VIL1: variants seen among roughly 807,000 people sequenced by gnomAD.
VIL1 encodes the protein villin 1, also known as villin-1.
In VIL1, 86 loss-of-function variants were observed where a neutral mutation model predicts 104.0. The observed-to-expected ratio is 0.83, with a 90% CI of 0.69 to 0.99. The LOEUF is 0.99. Ranked by LOEUF, VIL1 falls within the 50% of genes least tolerant of loss-of-function variation. The probability of loss-of-function intolerance (pLI) is 0.00; values close to 1 mark genes in which losing one functional copy is unlikely to be tolerated. For missense variants in VIL1, 944 were observed against 1,054.1 expected (o/e 0.90, Z 1.45); for synonymous variants, 394 against 412.6 (o/e 0.95, Z 0.55).
At chr2:218,422,877 A>T (rs570589149) in intron 1 of VIL1, among the ~76,000 whole-genome samples, 3 of 152,298 alleles carry the variant, frequency 2.0e-5, no homozygotes, top group Admixed American at 6.5e-5. Flanking sequence ...GGAGGAGAAT[A>T]ACTGGGCACT....
chr2:218,430,699 C>T (rs774019384), intron 9 of VIL1, 26 bp from the exon 10 acceptor site: 1 of 1,558,000 alleles, frequency 6.4e-7, no homozygotes, highest in African/African-American at 1.4e-5. Context: ...AGGTGCATAG[C>T]TTCCAGCCAC....
In VIL1 at chr2:218,446,594, T is replaced by TA. The variant is rs762725214; in HGVS notation, c.2371-2627dup. On this transcript the variant is annotated intron_variant, in intron 19 of 19. Transcript: ENST00000248444. ...AAGCCAAGAGTGATGAAGCTATCCA[T>TA]AATGGTAAAACTGTGGCCAACTGCA... Among the ~76,000 whole-genome samples, 4 of 152,126 alleles carry TA rather than the reference T, an allele frequency of 2.6e-5. No individual in the cohort carries two copies. The East Asian group carries it at 7.7e-4, about 29-fold the overall frequency.
intron 13 of VIL1, among the ~76,000 whole-genome samples, chr2:218,434,145 TGAGA>T (rs1689145409): frequency 7.3e-6 from 1 of 137,098 alleles, no homozygotes; most frequent in Non-Finnish European, 1.5e-5. Flanking sequence ...TGCAGTGAGC[TGAGA>T]TAGTGCCATT....
intron 17 of VIL1, 87 bp from the exon 18 acceptor site, chr2:218,438,571 C>A: frequency 7.6e-7 from 1 of 1,313,412 alleles, no homozygotes; most frequent in Non-Finnish European, 1.1e-6. Flanking sequence ...CCAGACCAGC[C>A]TTCTTTTCAT....
chr2:218,424,123 C>T (rs1256665937), intron 2 of VIL1, among the ~76,000 whole-genome samples, 154 bp from the exon 3 acceptor site: 2 of 152,202 alleles, frequency 1.3e-5, no homozygotes, highest in East Asian at 3.9e-4. Context: ...CTTCTCCCGC[C>T]CCTCACAGTT....
At chr2:218,449,061 C>T (rs944527177) in intron 19 of VIL1, among the ~76,000 whole-genome samples, 162 bp from the exon 20 acceptor site, 9 of 151,958 alleles carry the variant, frequency 5.9e-5, no homozygotes, top group Non-Finnish European at 1.0e-4. Context: ...ATACTCTCCT[C>T]CTCTCCATCC....
intron 9 of VIL1, among the ~76,000 whole-genome samples, chr2:218,430,209 G>T (rs2106392201): frequency 6.6e-6 from 1 of 152,310 alleles, no homozygotes; most frequent in East Asian, 1.9e-4. Context: ...CAGGATGTGG[G>T]CTCTCACCTC....
rs370837998 is a variant in VIL1, at chr2:218,429,985, A to C, written c.948+38A>C. On this transcript the variant is annotated intron_variant, in intron 9 of 19. Coordinates refer to ENST00000248444, the MANE Select transcript of VIL1 (RefSeq NM_007127.3). Reference sequence around the variant, plus strand: ...GCGGGGGAGGGTCCAGGAGGAGGGCAGAGTGATGGGAGGGAGAGAGCAGAT... The same window carrying C: ...GCGGGGGAGGGTCCAGGAGGAGGGCCGAGTGATGGGAGGGAGAGAGCAGAT... 198 of 1,561,870 alleles carry C rather than the reference A, an allele frequency of 1.3e-4. No homozygotes were observed. In the Middle Eastern group the frequency reaches 1.3e-3, roughly 11 times the overall value.
At chr2:218,429,560 GC>G (rs1281959333) in intron 7 of VIL1, 36 bp from the exon 8 acceptor site, 13 of 1,613,816 alleles carry the variant, frequency 8.1e-6, no homozygotes, top group Non-Finnish European at 1.1e-5. Flanking sequence ...AGGGACTTGG[GC>G]CCCCTCCCCA....
intron 18 of VIL1, among the ~76,000 whole-genome samples, chr2:218,439,087 C>T (rs1343305125): frequency 3.9e-5 from 6 of 151,908 alleles, no homozygotes; most frequent in African/African-American, 4.8e-5. Context: ...TGTGCCACCA[C>T]GCCTGGCTAA....
Position 218,436,614 on chromosome 2 carries a change from TGTCTG to T in VIL1, c.1961_1965del (p.Val654GlyfsTer35). On this transcript the variant is annotated frameshift_variant, in exon 16 of 20. Coordinates refer to ENST00000248444, the MANE Select transcript of VIL1 (RefSeq NM_007127.3). LOFTEE classifies it high-confidence loss of function. ...AAGAGGATGATGTGTTCCTACTAGA[TGTCTG>T]GGACCAGGTAGGACCAAGGGCCTGG... The T allele has an allele frequency of 6.2e-7, 1 of 1,614,054 alleles. No individual in the cohort carries two copies. The highest frequency in any genetic ancestry group is 8.5e-7 in the Non-Finnish European group (1 of 1,180,002).
intron 14 of VIL1, 80 bp from the exon 15 acceptor site, chr2:218,435,209 C>T: frequency 1.7e-5 from 26 of 1,565,278 alleles, no homozygotes; most frequent in Non-Finnish European, 2.3e-5. Context: ...TCTTTGACCC[C>T]TGAACTCTGG....
At chr2:218,430,060 A>C (rs887923278) in intron 9 of VIL1, 113 bp downstream of exon 9, 27 of 955,724 alleles carry the variant, frequency 2.8e-5, no homozygotes, top group Non-Finnish European at 4.3e-5. Flanking sequence ...AGTGCCAGGC[A>C]GAGGCAGGGA....
intron 9 of VIL1, 81 bp from the exon 10 acceptor site, chr2:218,430,644 G>C: frequency 6.6e-7 from 1 of 1,503,814 alleles, no homozygotes; most frequent in Non-Finnish European, 8.9e-7. Flanking sequence ...GATCTGGTTA[G>C]GTTAGAGCTA....
chr2:218,431,279 A>G, intron 10 of VIL1: 1 of 262,432 alleles, frequency 3.8e-6, no homozygotes, highest in Non-Finnish European at 7.0e-6. Flanking sequence ...TGAATTCAGG[A>G]GGCAGAGGCT....
rs2106393220 is a variant in VIL1, at chr2:218,432,814, G to T, written c.1363G>T (p.Glu455Ter). The T allele has an allele frequency of 6.2e-7, 1 of 1,614,164 alleles. No homozygotes were observed. The highest frequency in any genetic ancestry group is 8.5e-7 in the Non-Finnish European group (1 of 1,180,028). Residue 455 changes from glutamate to a stop codon, truncating the protein, a stop_gained, in exon 13 of 20, where the codon GAA becomes TAA. Coordinates refer to ENST00000248444, the MANE Select transcript of VIL1 (RefSeq NM_007127.3). LOFTEE classifies it high-confidence loss of function. Reference protein sequence around the residue: ...VWQGSQASQDEITASAYQAVI... With the variant: ...VWQGSQASQD ...CCAGGGCAGCCAGGCCAGCCAAGAT[G>T]AAATTACAGCATCAGCTTATCAAGC...
chr2:218,428,206 G>A (rs1453438573), intron 5 of VIL1, 21 bp from the exon 6 acceptor site: 1 of 1,611,958 alleles, frequency 6.2e-7, no homozygotes, highest in Non-Finnish European at 8.5e-7. Context: ...TGGGGTCTGT[G>A]CCTCCCCTGT....
chr2:218,436,714 A>G, intron 16 of VIL1, 88 bp downstream of exon 16: 1 of 1,484,940 alleles, frequency 6.7e-7, no homozygotes. Flanking sequence ...GGTAAGTGTC[A>G]ATGTTTTCTT....
intron 19 of VIL1, among the ~76,000 whole-genome samples, chr2:218,445,256 C>T (rs1485086051): frequency 6.6e-6 from 1 of 151,908 alleles, no homozygotes; most frequent in East Asian, 1.9e-4. Flanking sequence ...AAAAATTAGC[C>T]CGGTGTGGTG....
Sources: allele counts gnomAD v4.1 joint callset (sites outside exome capture counted in the v4.1 genomes callset), GRCh38; gene constraint gnomAD v4.1.1; transcripts MANE v1.5; gene names NCBI Gene and HGNC (gene_info 2026-07-23, HGNC 2026-07-21).